Variants in ZMYM1 observed in about 807,000 individuals in gnomAD.
ZMYM1 encodes the protein zinc finger MYM-type protein 1.
Under a neutral mutation model 60.0 loss-of-function variants are expected in ZMYM1, and 39 were observed. That is an observed-to-expected ratio of 0.65 (90% CI 0.50 to 0.85). ZMYM1 has a LOEUF of 0.85. Ranked by LOEUF, ZMYM1 falls within the 40% of genes least tolerant of loss-of-function variation. ZMYM1 has a pLI of 0.00. For synonymous variants in ZMYM1, 413 were observed against 454.0 expected (o/e 0.91, Z 1.15); for missense variants, 1,171 against 1,309.5 (o/e 0.89, Z 1.63).
intron 4 of ZMYM1, among the ~76,000 whole-genome samples, chr1:35,098,987 C>G (rs1643491106): frequency 6.6e-6 from 1 of 152,116 alleles, no homozygotes; most frequent in South Asian, 2.1e-4. Flanking sequence ...AAAGTTGGAG[C>G]AGTATTGAGA....
chr1:35,071,245 C>A (rs111358320), intron 1 of ZMYM1, among the ~76,000 whole-genome samples: 2,136 of 152,066 alleles, frequency 0.014, 58 homozygotes, highest in African/African-American at 0.048. Flanking sequence ...ATACTTGCAT[C>A]CCTAGGATGA....
chr1:35,116,358 C>G (rs1323462130), downstream of ZMYM1, among the ~76,000 whole-genome samples: 1 of 152,164 alleles, frequency 6.6e-6, no homozygotes, highest in African/African-American at 2.4e-5. Flanking sequence ...ATTTATACAT[C>G]TCAGCTGGAT....
intron 4 of ZMYM1, among the ~76,000 whole-genome samples, chr1:35,099,278 T>C (rs540354680): frequency 6.6e-6 from 1 of 152,308 alleles, no homozygotes; most frequent in Non-Finnish European, 1.5e-5. Context: ...AATACTATAC[T>C]AGTCTTTTGT....
intron 1 of ZMYM1, among the ~76,000 whole-genome samples, chr1:35,065,653 G>A (rs909531186): frequency 3.3e-5 from 5 of 149,422 alleles, no homozygotes; most frequent in South Asian, 2.1e-4. Flanking sequence ...ATCTTAAGAA[G>A]TTAGAAAAAA....
Position 35,112,075 on chromosome 1 carries a change from C to T in ZMYM1, c.1103-12C>T, listed in dbSNP as rs1445814084. 2 of 1,610,634 alleles carry T rather than the reference C, an allele frequency of 1.2e-6. No individual in the cohort carries two copies. The highest frequency in any genetic ancestry group is 1.7e-6 in the Non-Finnish European group (2 of 1,178,434). On this transcript the variant is annotated splice_polypyrimidine_tract_variant and intron_variant, in intron 8 of 9. Transcript: ENST00000359858. ...GTATATAAGATCTTGAATTTATGCT[C>T]TATTTTAACAGATACAGTTTCTTCA...
intron 1 of ZMYM1, among the ~76,000 whole-genome samples, chr1:35,080,927 A>G (rs944572104): frequency 7.3e-6 from 1 of 136,762 alleles, no homozygotes; most frequent in Non-Finnish European, 1.5e-5. Flanking sequence ...AAGACCTTGC[A>G]GAACTCAGTT....
chr1:35,115,161 C>A lies in ZMYM1; in HGVS notation c.3331C>A (p.Leu1111Ile). 1.2e-6 allele frequency: 2 copies of A among 1,614,058 alleles called. No individual in the cohort carries two copies. The highest frequency in any genetic ancestry group is 1.7e-6 in the Non-Finnish European group (2 of 1,179,964). ...ACAAGAGAAGCTTACTGGCCCAGCC[C>A]TAATGGCTGTTGAGCAGGAGTTGGT... Reference protein sequence around the residue: ...MGQEKLTGPALMAVEQELVNK... With the variant: ...MGQEKLTGPAIMAVEQELVNK... The change falls in exon 10 of 10, where the codon CTA (leucine) becomes ATA (isoleucine). Residue 1111 changes from leucine (L) to isoleucine (I), a missense_variant. Transcript: ENST00000359858.
chr1:35,097,179 C>A, intron 3 of ZMYM1, 138 bp from the exon 4 acceptor site: 1 of 948,042 alleles, frequency 1.1e-6, no homozygotes, highest in East Asian at 2.5e-5. Flanking sequence ...ATGATCGTAT[C>A]ACTACACTGC....
rs548342522 is a variant in ZMYM1 at position 35,105,331 on chromosome 1, G to T, written c.807+562G>T. On this transcript the variant is annotated intron_variant, in intron 6 of 9. Coordinates refer to ENST00000359858, the MANE Select transcript of ZMYM1 (RefSeq NM_024772.5). The stretch of plus-strand genomic sequence containing the variant: ...TTTTTGTATTTTAAGTAGAGATGGG[G>T]TTTCACTGTGTTAGCCAGGATGGTC... Among the ~76,000 whole-genome samples, 819 of 151,678 alleles carry T rather than the reference G, an allele frequency of 5.4e-3. 3 individuals carry two copies. Among genetic ancestry groups the T allele is most frequent in the Middle Eastern group, 0.017 (5 of 294 alleles).
rs1433978144 is a variant in ZMYM1, at chr1:35,095,871, A to AT, written c.150dup (p.Ala51CysfsTer25). On this transcript the variant is annotated frameshift_variant, in exon 3 of 10. Transcript: ENST00000359858. LOFTEE classifies it high-confidence loss of function. ...ACTCAGGAGAATGAACTGAAAATAA[A>AT]TGCTGTGTTTTCAGAGAGTGGTAAT... is the stretch of plus-strand genomic sequence containing the variant. The AT allele has an allele frequency of 1.2e-6, 2 of 1,610,192 alleles. No individual in the cohort carries two copies. Among genetic ancestry groups the AT allele is most frequent in the Non-Finnish European group, 1.7e-6 (2 of 1,177,514 alleles).
chr1:35,079,772 C>T (rs1287793382), intron 1 of ZMYM1, among the ~76,000 whole-genome samples: 1 of 152,174 alleles, frequency 6.6e-6, no homozygotes, highest in Non-Finnish European at 1.5e-5. Flanking sequence ...TTTCAGAAGC[C>T]CCATCACACC....
intron 2 of ZMYM1, among the ~76,000 whole-genome samples, chr1:35,095,404 G>A (rs1643252823): frequency 6.8e-6 from 1 of 147,912 alleles, no homozygotes; most frequent in Non-Finnish European, 1.5e-5. Context: ...TGAGGCAGAA[G>A]AATCACTTGA....
chr1:35,059,794 T>C (rs965739768), exon 1 of ZMYM1: 8 of 152,170 alleles, frequency 5.3e-5, no homozygotes, highest in African/African-American at 1.7e-4. Context: ...GCAGCATTCT[T>C]ATAGGAGTCT....
chr1:35,109,071 G>A (rs1390037676), intron 6 of ZMYM1, among the ~76,000 whole-genome samples: 1 of 152,096 alleles, frequency 6.6e-6, no homozygotes, highest in Non-Finnish European at 1.5e-5. Context: ...CCAGGCTGGA[G>A]TGCAATGGCA....
intron 1 of ZMYM1, among the ~76,000 whole-genome samples, chr1:35,082,594 G>T (rs1642446716): frequency 6.6e-6 from 1 of 151,194 alleles, no homozygotes; most frequent in Non-Finnish European, 1.5e-5. Flanking sequence ...GCCTCCTAAA[G>T]TGTTGGGATT....
chr1:35,068,660 A>T (rs927796420), intron 1 of ZMYM1, among the ~76,000 whole-genome samples: 115 of 149,944 alleles, frequency 7.7e-4, no homozygotes, highest in African/African-American at 2.8e-3. Context: ...ATATATATAT[A>T]TATATATAAA....
intron 6 of ZMYM1, among the ~76,000 whole-genome samples, chr1:35,105,540 TCTC>T (rs1261021532): frequency 6.6e-6 from 1 of 152,214 alleles, no homozygotes; most frequent in African/African-American, 2.4e-5. Flanking sequence ...TTCAAGCAAT[TCTC>T]CTGCCTCAGC....
At chr1:35,084,607 C>G (rs1642560563) in intron 1 of ZMYM1, among the ~76,000 whole-genome samples, 1 of 152,240 alleles carries the variant, frequency 6.6e-6, no homozygotes, top group African/African-American at 2.4e-5. Context: ...CTCCTTGAGT[C>G]TCAACCCGAA....
intron 1 of ZMYM1, among the ~76,000 whole-genome samples, chr1:35,070,895 GT>G (rs1257913786): frequency 2.0e-5 from 3 of 151,236 alleles, no homozygotes; most frequent in East Asian, 3.9e-4. Flanking sequence ...TGGTTTTTGG[GT>G]TTTTTTGAGA....
Sources: gnomAD v4.1 joint callset for allele counts (sites outside exome capture counted in the v4.1 genomes callset) on GRCh38, gnomAD v4.1.1 for gene constraint, MANE v1.5 for transcripts, NCBI Gene and HGNC (gene_info 2026-07-23, HGNC 2026-07-21) for gene names.